Variants in MALT1 observed in about 807,000 individuals in gnomAD.
MALT1 encodes mucosa-associated lymphoid tissue lymphoma translocation protein 1.
MALT1 carries 36 observed loss-of-function variants against 85.5 expected under a neutral mutation model. The observed-to-expected ratio is 0.42, with a 90% CI of 0.32 to 0.56. MALT1 has a LOEUF of 0.56. Ranked by LOEUF, MALT1 falls within the 20% of genes least tolerant of loss-of-function variation. The probability of loss-of-function intolerance (pLI) is 0.10; values close to 1 mark genes in which losing one functional copy is unlikely to be tolerated. For missense variants in MALT1, 716 were observed against 981.6 expected (o/e 0.73, Z 3.62); for synonymous variants, 359 against 361.3 (o/e 0.99, Z 0.07).
chr18:58,745,355 A>C (rs964086011), intron 15 of MALT1, among the ~76,000 whole-genome samples: 29 of 152,366 alleles, frequency 1.9e-4, no homozygotes, highest in African/African-American at 7.0e-4. Context: ...GGAGTCAAAC[A>C]CTAATGGGGC....
rs545540855 is a variant in MALT1 at position 58,741,067 on chromosome 18, C to G, written c.1604-798C>G. Among the ~76,000 whole-genome samples the G allele has an allele frequency of 4.6e-5, 7 of 152,242 alleles. No individual in the cohort carries two copies. In the East Asian group the frequency reaches 1.3e-3, roughly 29 times the overall value. On this transcript the variant is annotated intron_variant, in intron 13 of 16. Coordinates refer to ENST00000649217, the MANE Select transcript of MALT1 (RefSeq NM_006785.4). Reference sequence around the variant, plus strand: ...TTGACCTAATATGCTATTTTTTACACTTTTACTTTCCTACTCTTAACCCCT... The same window carrying G: ...TTGACCTAATATGCTATTTTTTACAGTTTTACTTTCCTACTCTTAACCCCT...
intron 2 of MALT1, among the ~76,000 whole-genome samples, chr18:58,688,536 CAAAAAAAAAA>C (rs552838701): frequency 3.1e-4 from 19 of 61,402 alleles, no homozygotes; most frequent in Non-Finnish European, 4.4e-4. Context: ...CCTGTTTCTA[CAAAAAAAAAA>C]AAAAAAAAAA....
chr18:58,691,390 A>G (rs576042392), intron 2 of MALT1: 13 of 622,912 alleles, frequency 2.1e-5, no homozygotes, highest in South Asian at 1.8e-4. Flanking sequence ...CTCTGTGGCA[A>G]TGACACCAAG....
intron 9 of MALT1, among the ~76,000 whole-genome samples, chr18:58,720,825 A>G (rs914848680): frequency 1.3e-5 from 2 of 152,204 alleles, no homozygotes; most frequent in Non-Finnish European, 2.9e-5. Context: ...AATTATTTAC[A>G]AGCATTTTAC....
In MALT1 at chr18:58,729,506, G is replaced by A. The variant is rs8087007; in HGVS notation, c.1223-3891G>A. 9.0e-3 allele frequency among the ~76,000 whole-genome samples: 1,144 copies of A among 127,554 alleles called. 14 individuals are homozygous for A. The highest frequency in any genetic ancestry group is 0.026 in the African/African-American group (954 of 36,212). 83.7% of individuals were successfully genotyped at this position (127,554 alleles called of 152,430 possible). ...CTCCGTCTCAAAAAAAAAAAAAAAA[G>A]AAAAAAAAAATTATAGTCCTTTAAT... On this transcript the variant is annotated intron_variant, in intron 10 of 16. Transcript: ENST00000649217.
chr18:58,753,993 T>G lies in MALT1; in HGVS notation c.*6151T>G, dbSNP rs2055480302. 6.6e-6 allele frequency: 1 copy of G among 152,246 alleles called. No individual in the cohort carries two copies. Among genetic ancestry groups the G allele is most frequent in the South Asian group, 2.1e-4 (1 of 4,832 alleles). 9.4% of individuals were successfully genotyped at this position (152,246 alleles called of 1,614,324 possible). ...GATTGGATGAGTATTTCTACATTAA[T>G]AAGTTGCTAATTAGGCACCAGGGTA... On this transcript the variant is annotated 3_prime_UTR_variant, in exon 17 of 17. Transcript: ENST00000649217.
intron 14 of MALT1, 32 bp downstream of exon 14, chr18:58,742,046 C>T (rs764597771): frequency 1.4e-6 from 2 of 1,431,328 alleles, no homozygotes; most frequent in Admixed American, 4.0e-5. Flanking sequence ...GTTAGATCTA[C>T]AATATACTTA....
chr18:58,713,913 A>G (rs577610359), intron 7 of MALT1, among the ~76,000 whole-genome samples, 170 bp from the exon 8 acceptor site: 4 of 152,322 alleles, frequency 2.6e-5, no homozygotes, highest in African/African-American at 9.6e-5. Flanking sequence ...AATATTCACT[A>G]TTCTTTGCTA....
chr18:58,700,335 T>C (rs577919192), intron 3 of MALT1, 106 bp from the exon 4 acceptor site: 2 of 800,106 alleles, frequency 2.5e-6, no homozygotes, highest in South Asian at 5.0e-5. Flanking sequence ...GGGGGAAAAA[T>C]GTTGCACTTT....
intron 9 of MALT1, among the ~76,000 whole-genome samples, chr18:58,719,059 A>G (rs896435862): frequency 2.6e-5 from 4 of 152,110 alleles, no homozygotes; most frequent in Admixed American, 6.5e-5. Context: ...TGGAGGCTAT[A>G]CTGGTAATGT....
At chr18:58,695,123 A>G (rs1399710433) in intron 2 of MALT1, among the ~76,000 whole-genome samples, 1 of 152,160 alleles carries the variant, frequency 6.6e-6, no homozygotes, top group Non-Finnish European at 1.5e-5. Flanking sequence ...GCCATGTGAG[A>G]CATGCCTTTC....
chr18:58,741,128 C>G (rs532567142), intron 13 of MALT1, among the ~76,000 whole-genome samples: 2 of 152,132 alleles, frequency 1.3e-5, no homozygotes, highest in Non-Finnish European at 2.9e-5. Flanking sequence ...TACTTTCAAA[C>G]ATTTCATGTC....
intron 9 of MALT1, among the ~76,000 whole-genome samples, chr18:58,722,476 A>G (rs946593620): frequency 6.6e-6 from 1 of 152,222 alleles, no homozygotes; most frequent in African/African-American, 2.4e-5. Flanking sequence ...GAGTATTTTT[A>G]AAAGATGCTA....
chr18:58,706,006 G>A (rs1229195474), intron 4 of MALT1, among the ~76,000 whole-genome samples: 1 of 152,162 alleles, frequency 6.6e-6, no homozygotes, highest in African/African-American at 2.4e-5. Flanking sequence ...GACTTTTTGA[G>A]ATGGAGTCTC....
At chr18:58,707,563 T>G (rs2054771052) in intron 4 of MALT1, among the ~76,000 whole-genome samples, 1 of 152,190 alleles carries the variant, frequency 6.6e-6, no homozygotes, top group Non-Finnish European at 1.5e-5. Flanking sequence ...CTCCTAATGC[T>G]GTCCCTACCC....
intron 4 of MALT1, among the ~76,000 whole-genome samples, chr18:58,707,358 TTTC>T (rs1290395948): frequency 5.3e-5 from 8 of 150,956 alleles, no homozygotes; most frequent in African/African-American, 1.7e-4. Context: ...TGCTTTTCTT[TTTC>T]TTTTTTTTTT....
chr18:58,679,540 G>T (rs1235049086), intron 1 of MALT1, among the ~76,000 whole-genome samples: 1 of 152,234 alleles, frequency 6.6e-6, no homozygotes, highest in African/African-American at 2.4e-5. Context: ...TAGGTACTTA[G>T]AAGTACTTTG....
intron 3 of MALT1, among the ~76,000 whole-genome samples, chr18:58,696,861 G>A (rs941425737): frequency 1.5e-4 from 23 of 152,186 alleles, no homozygotes; most frequent in Admixed American, 1.1e-3. Context: ...GAAAGTTAAT[G>A]TGCTATTCTT....
Position 58,748,024 on chromosome 18 carries a change from CTCTT to C in MALT1, c.*186_*189del, listed in dbSNP as rs1403367058. 4.1e-5 allele frequency: 24 copies of C among 579,818 alleles called. No homozygotes were observed. Among genetic ancestry groups the C allele is most frequent in the Non-Finnish European group, 6.7e-5 (22 of 327,678 alleles). The allele number at this position is 579,818 out of a possible 1,614,324, so 35.9% of individuals were successfully genotyped here. A position where few individuals can be genotyped will look rare whatever the true frequency, so the allele number is the denominator to read the frequency against. On this transcript the variant is annotated 3_prime_UTR_variant, in exon 17 of 17. Coordinates refer to ENST00000649217, the MANE Select transcript of MALT1 (RefSeq NM_006785.4). ...ATTACATTATTTAATTACAGACTTC[CTCTT>C]TCTAAGATTTTGTGAATTGGTTGAA... is the stretch of plus-strand genomic sequence containing the variant.
Sources: allele counts gnomAD v4.1 joint callset (sites outside exome capture counted in the v4.1 genomes callset), GRCh38; gene constraint gnomAD v4.1.1; transcripts MANE v1.5; gene names NCBI Gene and HGNC (gene_info 2026-07-23, HGNC 2026-07-21).